The following EFCAB11 variants were observed in gnomAD, a reference collection of about 807,000 sequenced individuals.
EFCAB11 encodes EF-hand calcium-binding domain-containing protein 11.
EFCAB11 carries 14 observed loss-of-function variants against 23.0 expected under a neutral mutation model. The ratio of observed to expected loss-of-function variants is 0.61; its 90% CI spans 0.40 to 0.95. The LOEUF (loss-of-function observed/expected upper bound fraction) is 0.95, where lower values mean the gene tolerates loss of function less well. Ranked by LOEUF, EFCAB11 falls within the 40% of genes least tolerant of loss-of-function variation. The probability of loss-of-function intolerance (pLI) is 0.00; values close to 1 mark genes in which losing one functional copy is unlikely to be tolerated. For missense variants in EFCAB11, 198 were observed against 195.8 expected (o/e 1.01, Z -0.07); for synonymous variants, 65 against 66.6 (o/e 0.98, Z 0.11).
intron 3 of EFCAB11, among the ~76,000 whole-genome samples, chr14:89,948,479 C>T (rs1259031403): frequency 2.6e-5 from 4 of 152,218 alleles, no homozygotes; most frequent in Non-Finnish European, 5.9e-5. Flanking sequence ...AATCCCACTG[C>T]TGGGTATATA....
chr14:89,894,302 G>A lies in EFCAB11; in HGVS notation c.410+37239C>T, dbSNP rs530966103. Among the ~76,000 whole-genome samples the A allele has an allele frequency of 2.0e-5, 3 of 152,018 alleles. No individual in the cohort carries two copies. In the East Asian group the frequency reaches 5.8e-4, roughly 29 times the overall value. On this transcript the variant is annotated intron_variant, in intron 5 of 5. Transcript: ENST00000316738. The stretch of plus-strand genomic sequence containing the variant: ...CTGGGATACATGTGCGGAACGTGCA[G>A]GTTTGTTACATAGGTATACAAGTGC...
chr14:89,953,481 C>T (rs1473736572), intron 2 of EFCAB11, among the ~76,000 whole-genome samples: 1 of 152,174 alleles, frequency 6.6e-6, no homozygotes, highest in Non-Finnish European at 1.5e-5. Flanking sequence ...AGGCGGCGAG[C>T]GGATTTTATG....
chr14:89,814,399 A>G (rs979562898), intron 5 of EFCAB11, among the ~76,000 whole-genome samples: 1 of 152,174 alleles, frequency 6.6e-6, no homozygotes, highest in Non-Finnish European at 1.5e-5. Context: ...TTTTCCTTCA[A>G]GGGACTTTAA....
chr14:89,879,208 C>T (rs1026040770), intron 5 of EFCAB11, among the ~76,000 whole-genome samples: 1 of 152,004 alleles, frequency 6.6e-6, no homozygotes, highest in Non-Finnish European at 1.5e-5. Flanking sequence ...TTAGTGTACT[C>T]GATCCTACTT....
chr14:89,937,262 A>G (rs531255482), intron 3 of EFCAB11, among the ~76,000 whole-genome samples: 10 of 152,304 alleles, frequency 6.6e-5, no homozygotes, highest in Middle Eastern at 3.4e-3. Context: ...ATGAAAATGG[A>G]AAGCCTCATG....
chr14:89,928,994 C>G lies in EFCAB11; in HGVS notation c.410+2547G>C, dbSNP rs570201876. On this transcript the variant is annotated intron_variant, in intron 5 of 5. Coordinates refer to ENST00000316738, the MANE Select transcript of EFCAB11 (RefSeq NM_145231.4). ...AGCTTTAATACATTTTCAAGATATA[C>G]TCTAACCTATGGAAAGATGGACATA... Among the ~76,000 whole-genome samples, 5 of 139,642 alleles carry G rather than the reference C, an allele frequency of 3.6e-5. No homozygotes were observed. The East Asian group carries it at 1.0e-3, about 29-fold the overall frequency. 91.6% of individuals were successfully genotyped at this position (139,642 alleles called of 152,430 possible). A position where few individuals can be genotyped will look rare whatever the true frequency, so the allele number is the denominator to read the frequency against.
At chr14:89,892,497 T>C (rs964576875) in intron 5 of EFCAB11, 305 of 1,388,398 alleles carry the variant, frequency 2.2e-4, no homozygotes, top group Non-Finnish European at 2.9e-4. Flanking sequence ...CCTGGTGGGA[T>C]GGGGAATGTT....
At chr14:89,879,264 T>C (rs188644084) in intron 5 of EFCAB11, among the ~76,000 whole-genome samples, 1 of 152,252 alleles carries the variant, frequency 6.6e-6, no homozygotes, top group Admixed American at 6.5e-5. Flanking sequence ...TTTTATGAAA[T>C]TCAGTTCATT....
intron 5 of EFCAB11, among the ~76,000 whole-genome samples, chr14:89,915,293 C>A (rs1352749309): frequency 3.3e-5 from 5 of 152,184 alleles, no homozygotes; most frequent in Non-Finnish European, 7.3e-5. Flanking sequence ...TGCTGGTCAC[C>A]AGAGGGATTA....
In EFCAB11 at chr14:89,875,709, C is replaced by T. The variant is rs150381959; in HGVS notation, c.410+55832G>A. On this transcript the variant is annotated intron_variant, in intron 5 of 5. Transcript: ENST00000316738. ...GAGTTTGAGGGGTCATTGAGGATAC[C>T]CAGAGAAAGACGTTCAGTAGGAGTT... Among the ~76,000 whole-genome samples the T allele has an allele frequency of 5.9e-5, 9 of 151,978 alleles. No homozygotes were observed. In the South Asian group the frequency reaches 6.2e-4, roughly 11 times the overall value.
chr14:89,950,935 C>G (rs944038819), intron 2 of EFCAB11, among the ~76,000 whole-genome samples: 2 of 152,078 alleles, frequency 1.3e-5, no homozygotes, highest in African/African-American at 4.8e-5. Flanking sequence ...ACGTTCTATC[C>G]TCAGACCATG....
intron 5 of EFCAB11, among the ~76,000 whole-genome samples, chr14:89,885,289 G>GAT (rs542599218): frequency 2.1e-3 from 320 of 152,132 alleles, no homozygotes; most frequent in Admixed American, 6.5e-3. Context: ...AAAACAAAAG[G>GAT]ATATACTTTA....
chr14:89,809,757 A>G (rs2140087288), intron 5 of EFCAB11, among the ~76,000 whole-genome samples: 1 of 152,196 alleles, frequency 6.6e-6, no homozygotes, highest in East Asian at 1.9e-4. Context: ...TGTCTGAGAA[A>G]GAGAATGAAT....
At chr14:89,861,814 C>G (rs969438716) in intron 5 of EFCAB11, among the ~76,000 whole-genome samples, 2 of 148,202 alleles carry the variant, frequency 1.3e-5, no homozygotes, top group Non-Finnish European at 2.9e-5. Flanking sequence ...TATGATGCAG[C>G]AAGATGGTCC....
chr14:89,929,559 T>C (rs1890317904), intron 5 of EFCAB11, among the ~76,000 whole-genome samples: 3 of 152,092 alleles, frequency 2.0e-5, no homozygotes, highest in Admixed American at 2.0e-4. Flanking sequence ...CTAATTTTTG[T>C]CTTTTTAGTA....
chr14:89,865,647 G>A (rs1391337415), intron 5 of EFCAB11, among the ~76,000 whole-genome samples: 2 of 151,712 alleles, frequency 1.3e-5, no homozygotes, highest in South Asian at 2.1e-4. Flanking sequence ...AACTACAGGC[G>A]CATGCCACCA....
intron 5 of EFCAB11, among the ~76,000 whole-genome samples, chr14:89,849,398 T>C (rs1419115109): frequency 2.0e-5 from 3 of 152,234 alleles, no homozygotes; most frequent in Non-Finnish European, 4.4e-5. Context: ...GCAGATTATG[T>C]AAATGAACTG....
intron 5 of EFCAB11, among the ~76,000 whole-genome samples, chr14:89,834,950 C>T (rs1213480962): frequency 1.3e-5 from 2 of 152,162 alleles, no homozygotes; most frequent in East Asian, 1.9e-4. Flanking sequence ...CAGAATGAAG[C>T]GGGCAGTGGT....
At chr14:89,862,627 A>ATTC (rs531186851) in intron 5 of EFCAB11, among the ~76,000 whole-genome samples, 113 of 152,384 alleles carry the variant, frequency 7.4e-4, no homozygotes, top group African/African-American at 2.6e-3. Context: ...GACTAGTCTG[A>ATTC]AATACACACA....
Sources: gnomAD v4.1 joint callset for allele counts (sites outside exome capture counted in the v4.1 genomes callset) on GRCh38, gnomAD v4.1.1 for gene constraint, MANE v1.5 for transcripts, NCBI Gene and HGNC (gene_info 2026-07-23, HGNC 2026-07-21) for gene names.